UMAD1: variants seen among roughly 807,000 people sequenced by gnomAD.
The protein encoded by UMAD1 is UBAP1-MVB12-associated (UMA) domain containing 1.
Under a neutral mutation model 6.1 loss-of-function variants are expected in UMAD1, and 8 were observed. That is an observed-to-expected ratio of 1.30 (90% CI 0.76 to 2.35). UMAD1 has a LOEUF of 2.35. Ranked by LOEUF, UMAD1 falls within the 30% of genes most tolerant of loss-of-function variation. The probability of loss-of-function intolerance (pLI) is 0.00; values close to 1 mark genes in which losing one functional copy is unlikely to be tolerated. For synonymous variants in UMAD1, 56 were observed against 31.4 expected (o/e 1.78, Z -2.61); for missense variants, 130 against 78.4 (o/e 1.66, Z -2.49).
At chr7:7,644,006 G>A (rs1025902852) in intron 1 of UMAD1, among the ~76,000 whole-genome samples, 2 of 152,038 alleles carry the variant, frequency 1.3e-5, no homozygotes, top group African/African-American at 2.4e-5. Flanking sequence ...TTGGATCTCT[G>A]CCACTAGTAA....
At chr7:7,752,632 A>G (rs1241572852) in intron 2 of UMAD1, among the ~76,000 whole-genome samples, 1 of 152,136 alleles carries the variant, frequency 6.6e-6, no homozygotes, top group Non-Finnish European at 1.5e-5. Flanking sequence ...TTTTTATAGC[A>G]TAATTAGAAG....
At chr7:7,789,567 A>G (rs910584797) in intron 2 of UMAD1, among the ~76,000 whole-genome samples, 5 of 151,876 alleles carry the variant, frequency 3.3e-5, no homozygotes, top group Non-Finnish European at 7.4e-5. Flanking sequence ...TGTACAACAG[A>G]TCTCTAGAAC....
At chr7:7,866,055 A>G (rs986918096) in intron 3 of UMAD1, among the ~76,000 whole-genome samples, 2 of 152,256 alleles carry the variant, frequency 1.3e-5, no homozygotes, top group African/African-American at 2.4e-5. Context: ...AATACCATCC[A>G]TAGTTTATCA....
At chr7:7,832,306 T>G (rs114331537) in intron 3 of UMAD1, among the ~76,000 whole-genome samples, 2,684 of 152,318 alleles carry the variant, frequency 0.018, 51 homozygotes, top group Admixed American at 0.042. Context: ...CTGCATTTTG[T>G]GAAACAGGTT....
chr7:7,650,493 T>C (rs1785200379), intron 1 of UMAD1, among the ~76,000 whole-genome samples: 1 of 152,260 alleles, frequency 6.6e-6, no homozygotes, highest in Admixed American at 6.5e-5. Flanking sequence ...GCTGTAGGCT[T>C]ACATGTCTCA....
At chr7:7,662,614 CCT>C (rs2115092732) in intron 1 of UMAD1, among the ~76,000 whole-genome samples, 1 of 152,280 alleles carries the variant, frequency 6.6e-6, no homozygotes, top group Admixed American at 6.5e-5. Context: ...GACACCCCAC[CCT>C]GTTTCTGTTC....
chr7:7,806,798 C>G (rs1338438477), intron 3 of UMAD1, among the ~76,000 whole-genome samples: 2 of 152,088 alleles, frequency 1.3e-5, no homozygotes, highest in East Asian at 3.8e-4. Flanking sequence ...TGGAAAGCCT[C>G]TAATTATTTT....
intron 3 of UMAD1, among the ~76,000 whole-genome samples, chr7:7,843,833 A>G (rs1480203695): frequency 6.6e-6 from 1 of 152,156 alleles, no homozygotes; most frequent in Non-Finnish European, 1.5e-5. Context: ...AGGCCAAGTA[A>G]TGTCAGTTCT....
intron 2 of UMAD1, among the ~76,000 whole-genome samples, chr7:7,752,779 T>G (rs1781702853): frequency 1.3e-5 from 2 of 152,126 alleles, no homozygotes. Context: ...AAGATGGTAT[T>G]TTTCTGAATT....
At chr7:7,795,723 A>G (rs752612623) in intron 2 of UMAD1, among the ~76,000 whole-genome samples, 2 of 152,162 alleles carry the variant, frequency 1.3e-5, no homozygotes, top group African/African-American at 4.8e-5. Context: ...TAACTTCTGG[A>G]TGTTGTGTAA....
chr7:7,752,880 T>G (rs1294068485), intron 2 of UMAD1, among the ~76,000 whole-genome samples: 1 of 152,178 alleles, frequency 6.6e-6, no homozygotes, highest in African/African-American at 2.4e-5. Flanking sequence ...ATTCATAATT[T>G]TGTATTCTTT....
At chr7:7,764,239 T>TA (rs1398878362) in intron 2 of UMAD1, among the ~76,000 whole-genome samples, 9 of 152,138 alleles carry the variant, frequency 5.9e-5, no homozygotes, top group Non-Finnish European at 1.0e-4. Flanking sequence ...AGAAATCTCT[T>TA]ACAAATGTCA....
intron 2 of UMAD1, among the ~76,000 whole-genome samples, chr7:7,740,331 TA>T (rs1281989969): frequency 6.6e-6 from 1 of 152,200 alleles, no homozygotes; most frequent in Non-Finnish European, 1.5e-5. Flanking sequence ...GCGATAACCT[TA>T]AAAAAAGTTA....
At chr7:7,801,316 T>C (rs1432759373) in intron 2 of UMAD1, among the ~76,000 whole-genome samples, 1 of 152,256 alleles carries the variant, frequency 6.6e-6, no homozygotes, top group Non-Finnish European at 1.5e-5. Context: ...GTTATCCATA[T>C]CATAAAAGAG....
chr7:7,784,596 C>T (rs1191767372), intron 2 of UMAD1, among the ~76,000 whole-genome samples: 6 of 151,898 alleles, frequency 4.0e-5, no homozygotes, highest in Non-Finnish European at 5.9e-5. Flanking sequence ...CCGCCCTCCT[C>T]GGCGTCCCAG....
chr7:7,812,220 A>T (rs533617358), intron 3 of UMAD1, among the ~76,000 whole-genome samples: 1 of 152,312 alleles, frequency 6.6e-6, no homozygotes, highest in Admixed American at 6.5e-5. Context: ...GTATGAGAGC[A>T]ACCCTGTTTC....
intron 2 of UMAD1, among the ~76,000 whole-genome samples, chr7:7,778,290 G>GAGAA (rs1554327297): frequency 6.6e-6 from 1 of 151,076 alleles, no homozygotes; most frequent in Non-Finnish European, 1.5e-5. Context: ...GAGAGAGAGA[G>GAGAA]AGAGAGACAG....
chr7:7,858,367 G>A (rs1784057850), intron 3 of UMAD1, among the ~76,000 whole-genome samples: 1 of 152,114 alleles, frequency 6.6e-6, no homozygotes, highest in Non-Finnish European at 1.5e-5. Flanking sequence ...AGAGAATTCT[G>A]ATTATCAACT....
At chr7:7,838,354 T>C (rs1174352703) in intron 3 of UMAD1, among the ~76,000 whole-genome samples, 2 of 152,176 alleles carry the variant, frequency 1.3e-5, no homozygotes, top group South Asian at 4.2e-4. Context: ...AGCAACAGAG[T>C]TAATAAGGTT....
Sources: gnomAD v4.1 joint callset for allele counts (sites outside exome capture counted in the v4.1 genomes callset) on GRCh38, gnomAD v4.1.1 for gene constraint, MANE v1.5 for transcripts, NCBI Gene and HGNC (gene_info 2026-07-23, HGNC 2026-07-21) for gene names.